SDK1: variants seen among roughly 807,000 people sequenced by gnomAD.
SDK1 encodes the protein protein sidekick-1.
Under a neutral mutation model 245.5 loss-of-function variants are expected in SDK1, and 157 were observed. The ratio of observed to expected loss-of-function variants is 0.64; its 90% CI spans 0.56 to 0.73. The LOEUF is 0.73. SDK1 is among the 30% of genes least tolerant of loss of function. The pLI is 0.00. For missense variants in SDK1, 3,583 were observed against 3,002.3 expected, an observed-to-expected ratio of 1.19 and a Z score of -4.52; for synonymous variants, 1,647 against 1,278.5, an observed-to-expected ratio of 1.29 and a Z score of -6.15.
chr7:3,874,117 A>G (rs1394548164), intron 5 of SDK1, among the ~76,000 whole-genome samples: 1 of 152,192 alleles, frequency 6.6e-6, no homozygotes, highest in Admixed American at 6.5e-5. Context: ...CCACTGGGCC[A>G]TTAATATGAA....
At chr7:3,872,272 G>GTT (rs1037478309) in intron 5 of SDK1, among the ~76,000 whole-genome samples, 7 of 152,054 alleles carry the variant, frequency 4.6e-5, no homozygotes, top group African/African-American at 7.2e-5. Context: ...CTTGTGATGT[G>GTT]TTTATCTAGC....
At chr7:3,913,676 A>G (rs1472225584) in intron 5 of SDK1, among the ~76,000 whole-genome samples, 1 of 151,776 alleles carries the variant, frequency 6.6e-6, no homozygotes, top group Non-Finnish European at 1.5e-5. Context: ...CCCTCATTCA[A>G]TCCCAACTCT....
At chr7:3,661,191 CTAAT>C (rs1239635319) in intron 4 of SDK1, among the ~76,000 whole-genome samples, 3 of 152,200 alleles carry the variant, frequency 2.0e-5, no homozygotes, top group African/African-American at 7.2e-5. Flanking sequence ...CTTTGAACAA[CTAAT>C]TGACTATACA....
chr7:3,451,613 T>G lies in SDK1; in HGVS notation c.298+149729T>G, dbSNP rs541381871. Reference sequence around the variant, plus strand: ...TATCTTTCACTATGTGAGATATTTTTATCCTGAGGATTTACATGTAACATA... The same window carrying G: ...TATCTTTCACTATGTGAGATATTTTGATCCTGAGGATTTACATGTAACATA... On this transcript the variant is annotated intron_variant, in intron 1 of 44. Transcript: ENST00000404826. Among the ~76,000 whole-genome samples, 17 of 152,176 alleles carry G rather than the reference T, an allele frequency of 1.1e-4. No homozygotes were observed. The South Asian group carries it at 3.5e-3, about 31-fold the overall frequency.
At chr7:4,107,716 G>T (rs1471517706) in intron 22 of SDK1, among the ~76,000 whole-genome samples, 1 of 152,066 alleles carries the variant, frequency 6.6e-6, no homozygotes, top group Non-Finnish European at 1.5e-5. Context: ...CCAGTATCTG[G>T]TCCCAGCCCG....
At chr7:3,340,031 A>G (rs1414683367) in intron 1 of SDK1, among the ~76,000 whole-genome samples, 2 of 152,198 alleles carry the variant, frequency 1.3e-5, no homozygotes, top group African/African-American at 4.8e-5. Flanking sequence ...GGCTGCAGCC[A>G]TTGAAAGGAT....
At chr7:3,602,775 G>A (rs900843548) in intron 1 of SDK1, among the ~76,000 whole-genome samples, 3 of 152,280 alleles carry the variant, frequency 2.0e-5, no homozygotes, top group East Asian at 1.9e-4. Flanking sequence ...CAATGGTATT[G>A]CCTAGGTTTT....
At chr7:4,101,735 C>T (rs975061576) in intron 22 of SDK1, among the ~76,000 whole-genome samples, 4 of 152,160 alleles carry the variant, frequency 2.6e-5, no homozygotes, top group African/African-American at 9.7e-5. Flanking sequence ...TGCTGGACCC[C>T]AGAAGCGTCT....
intron 44 of SDK1, 48 bp downstream of exon 44, chr7:4,245,853 C>T (rs1011673995): frequency 6.2e-7 from 1 of 1,608,048 alleles, no homozygotes; most frequent in African/African-American, 1.3e-5. Context: ...GCCCCTACTT[C>T]TGCAGTGAGA....
intron 20 of SDK1, among the ~76,000 whole-genome samples, chr7:4,069,902 A>C (rs930535): frequency 0.077 from 11,747 of 152,188 alleles, 1,032 homozygotes; most frequent in African/African-American, 0.21. Context: ...CATCACAGCC[A>C]ATGGGCATGT....
intron 5 of SDK1, among the ~76,000 whole-genome samples, chr7:3,884,670 G>C (rs9655348): frequency 1.3e-5 from 2 of 152,092 alleles, no homozygotes. Context: ...GCAAGTGCAC[G>C]GGCCAGTGTG....
chr7:4,131,466 A>G (rs887947937), intron 27 of SDK1, among the ~76,000 whole-genome samples: 7 of 152,202 alleles, frequency 4.6e-5, no homozygotes, highest in Non-Finnish European at 7.3e-5. Flanking sequence ...CACATTCAGA[A>G]TTTAAAATAC....
At chr7:3,702,684 C>T (rs1784772864) in intron 4 of SDK1, among the ~76,000 whole-genome samples, 1 of 152,112 alleles carries the variant, frequency 6.6e-6, no homozygotes, top group African/African-American at 2.4e-5. Flanking sequence ...TTGGCTGTTC[C>T]CCATGTTGGA....
chr7:3,466,721 A>G (rs993644169), intron 1 of SDK1, among the ~76,000 whole-genome samples: 3 of 151,882 alleles, frequency 2.0e-5, no homozygotes, highest in Admixed American at 2.0e-4. Context: ...AGAACTATTT[A>G]TACGATTATG....
At chr7:3,499,786 G>C (rs147600790) in intron 1 of SDK1, among the ~76,000 whole-genome samples, 2,584 of 152,266 alleles carry the variant, frequency 0.017, 87 homozygotes, top group African/African-American at 0.06. Flanking sequence ...TAGTGGCCAA[G>C]GGCAAGAATG....
Position 4,220,284 on chromosome 7 carries a change from CA to C in SDK1, c.5701+15del. On this transcript the variant is annotated intron_variant, in intron 39 of 44. Coordinates refer to ENST00000404826, the MANE Select transcript of SDK1 (RefSeq NM_152744.4). ...GGCCAGCCGAGGGTAAGTGGAACTC[CA>C]GGGGCAGACAATGTCAATTGCAACT... 1.2e-6 allele frequency: 2 copies of C among 1,607,020 alleles called. No homozygotes were observed. Among genetic ancestry groups the C allele is most frequent in the Non-Finnish European group, 1.7e-6 (2 of 1,174,626 alleles).
intron 1 of SDK1, among the ~76,000 whole-genome samples, chr7:3,335,428 T>C (rs1048834933): frequency 2.0e-5 from 3 of 152,112 alleles, no homozygotes; most frequent in Non-Finnish European, 4.4e-5. Flanking sequence ...ATCTTTTTTT[T>C]TTTTTTCTGT....
chr7:3,659,337 C>T (rs780143499), intron 4 of SDK1, among the ~76,000 whole-genome samples: 1 of 151,844 alleles, frequency 6.6e-6, no homozygotes, highest in Non-Finnish European at 1.5e-5. Flanking sequence ...ATAAACTGAC[C>T]AAAAAATGGG....
chr7:4,254,001 G>A (rs1416717227), intron 44 of SDK1, among the ~76,000 whole-genome samples: 2 of 151,868 alleles, frequency 1.3e-5, no homozygotes, highest in Non-Finnish European at 2.9e-5. Flanking sequence ...ATTTTTGTTA[G>A]TGTCTTACTC....
Sources: gnomAD v4.1 joint callset for allele counts (sites outside exome capture counted in the v4.1 genomes callset) on GRCh38, gnomAD v4.1.1 for gene constraint, MANE v1.5 for transcripts, NCBI Gene and HGNC (gene_info 2026-07-23, HGNC 2026-07-21) for gene names.